NALF1: variants seen among roughly 807,000 people sequenced by gnomAD.
NALF1 encodes the protein NALCN channel auxiliary factor 1.
NALF1 carries 3 observed loss-of-function variants against 48.4 expected under a neutral mutation model. The observed-to-expected ratio is 0.06, with a 90% CI of 0.03 to 0.16. The LOEUF (loss-of-function observed/expected upper bound fraction) is 0.16. NALF1 is among the 10% of genes least tolerant of loss of function. The pLI is 1.00. For synonymous variants in NALF1, 262 were observed against 245.7 expected (o/e 1.07, Z -0.62); for missense variants, 526 against 571.5 (o/e 0.92, Z 0.81).
intron 1 of NALF1, among the ~76,000 whole-genome samples, chr13:107,361,435 C>T (rs551242473): frequency 4.2e-4 from 63 of 151,424 alleles, no homozygotes; most frequent in Admixed American, 1.8e-3. Flanking sequence ...ACAGTACACG[C>T]GGTAAAATAT....
chr13:107,707,882 A>G (rs4113423), intron 1 of NALF1, among the ~76,000 whole-genome samples: 129,773 of 151,632 alleles, frequency 0.86, 56,193 homozygotes, highest in Non-Finnish European at 0.93. Context: ...TTTTCTGTTT[A>G]CTCCAATTTT....
intron 1 of NALF1, among the ~76,000 whole-genome samples, chr13:107,810,857 A>G (rs554093257): frequency 3.2e-4 from 48 of 152,200 alleles, no homozygotes; most frequent in African/African-American, 1.1e-3. Flanking sequence ...GCTTTCGCAT[A>G]TTGGTCAATC....
At chr13:107,398,945 C>T (rs1290415877) in intron 1 of NALF1, among the ~76,000 whole-genome samples, 1 of 152,150 alleles carries the variant, frequency 6.6e-6, no homozygotes, top group African/African-American at 2.4e-5. Context: ...TAAGGAGCTT[C>T]CGTGTTTGGA....
chr13:107,670,359 C>T (rs1455220044), intron 1 of NALF1, among the ~76,000 whole-genome samples: 1 of 152,052 alleles, frequency 6.6e-6, no homozygotes, highest in African/African-American at 2.4e-5. Context: ...CGTAGTATCT[C>T]ACTGATCTTA....
intron 1 of NALF1, among the ~76,000 whole-genome samples, chr13:107,835,017 A>G (rs918493328): frequency 6.6e-6 from 1 of 152,218 alleles, no homozygotes; most frequent in African/African-American, 2.4e-5. Flanking sequence ...TCACATATAC[A>G]CTAGCATTAA....
chr13:107,702,423 T>C (rs1018290720), intron 1 of NALF1, among the ~76,000 whole-genome samples: 1 of 152,226 alleles, frequency 6.6e-6, no homozygotes, highest in African/African-American at 2.4e-5. Context: ...CTCTTGTATT[T>C]AAATTTATAT....
intron 1 of NALF1, among the ~76,000 whole-genome samples, chr13:107,827,830 T>C (rs1167258544): frequency 1.3e-5 from 2 of 152,222 alleles, no homozygotes; most frequent in Non-Finnish European, 2.9e-5. Flanking sequence ...GTATTATAAT[T>C]ACTGGTTACA....
At chr13:107,472,468 C>T (rs1384826651) in intron 1 of NALF1, among the ~76,000 whole-genome samples, 2 of 152,082 alleles carry the variant, frequency 1.3e-5, no homozygotes, top group African/African-American at 4.8e-5. Context: ...AGGAGATTAA[C>T]GTTTGTGTCA....
intron 1 of NALF1, among the ~76,000 whole-genome samples, chr13:107,728,876 T>A (rs1594231760): frequency 6.6e-6 from 1 of 152,110 alleles, no homozygotes; most frequent in Admixed American, 6.6e-5. Context: ...TCATAGCCAA[T>A]AGGTCAAAAA....
chr13:107,860,853 T>A (rs1200663915), intron 1 of NALF1, among the ~76,000 whole-genome samples: 1 of 152,214 alleles, frequency 6.6e-6, no homozygotes, highest in East Asian at 1.9e-4. Context: ...TGGAGGAGAA[T>A]GAGAGCATTG....
chr13:107,545,460 T>C (rs1030230810), intron 1 of NALF1, among the ~76,000 whole-genome samples: 5 of 152,178 alleles, frequency 3.3e-5, no homozygotes, highest in Non-Finnish European at 5.9e-5. Flanking sequence ...TGTTTTGTGA[T>C]GGTAGCTTGA....
intron 1 of NALF1, among the ~76,000 whole-genome samples, chr13:107,267,021 T>G (rs9558984): frequency 0.27 from 41,587 of 152,030 alleles, 6,444 homozygotes; most frequent in East Asian, 0.52. Flanking sequence ...TCATCTGTTT[T>G]GTTTTACACC....
chr13:107,533,354 C>T (rs566660987), intron 1 of NALF1, among the ~76,000 whole-genome samples: 61 of 152,168 alleles, frequency 4.0e-4, no homozygotes, highest in African/African-American at 1.4e-3. Flanking sequence ...AAAGACAGGG[C>T]CCCTGGAAGG....
At chr13:107,514,048 C>T (rs535254742) in intron 1 of NALF1, among the ~76,000 whole-genome samples, 4 of 152,244 alleles carry the variant, frequency 2.6e-5, no homozygotes, top group East Asian at 1.9e-4. Flanking sequence ...CACAAGCAGC[C>T]GCTCCTAGAG....
At chr13:107,689,157 C>T (rs1881509917) in intron 1 of NALF1, among the ~76,000 whole-genome samples, 1 of 152,158 alleles carries the variant, frequency 6.6e-6, no homozygotes, top group African/African-American at 2.4e-5. Flanking sequence ...CACAGCGGTG[C>T]AAGAACCAGA....
At chr13:107,570,559 CT>C (rs1225291078) in intron 1 of NALF1, among the ~76,000 whole-genome samples, 14 of 126,820 alleles carry the variant, frequency 1.1e-4, no homozygotes, top group Middle Eastern at 3.8e-3. Flanking sequence ...TTATTTTTTT[CT>C]TTTATTTATT....
intron 1 of NALF1, among the ~76,000 whole-genome samples, chr13:107,381,943 G>C (rs1469678196): frequency 6.6e-6 from 1 of 152,148 alleles, no homozygotes; most frequent in African/African-American, 2.4e-5. Flanking sequence ...TCTCTGGGGA[G>C]AGAGTATGAC....
chr13:107,340,231 C>T (rs919992504), intron 1 of NALF1, among the ~76,000 whole-genome samples: 3 of 151,586 alleles, frequency 2.0e-5, no homozygotes, highest in African/African-American at 7.3e-5. Flanking sequence ...ACCTCTGCCT[C>T]CCGGGTTCAA....
At chr13:107,433,608 T>A (rs1884417954) in intron 1 of NALF1, among the ~76,000 whole-genome samples, 1 of 151,882 alleles carries the variant, frequency 6.6e-6, no homozygotes, top group Non-Finnish European at 1.5e-5. Flanking sequence ...AAAGATAATA[T>A]ATGTGCAATA....
Sources: allele counts gnomAD v4.1 joint callset (sites outside exome capture counted in the v4.1 genomes callset), GRCh38; gene constraint gnomAD v4.1.1; transcripts MANE v1.5; gene names NCBI Gene and HGNC (gene_info 2026-07-23, HGNC 2026-07-21).